Variants in PTPRT observed in about 807,000 individuals in gnomAD.
The protein encoded by PTPRT is receptor-type tyrosine-protein phosphatase T.
In PTPRT, 56 loss-of-function variants were observed where a neutral mutation model predicts 176.8. The ratio of observed to expected loss-of-function variants is 0.32; its 90% CI spans 0.26 to 0.40. The LOEUF (loss-of-function observed/expected upper bound fraction) is 0.40, where lower values mean the gene tolerates loss of function less well. Ranked by LOEUF, PTPRT falls within the 10% of genes least tolerant of loss-of-function variation. The probability of loss-of-function intolerance (pLI) is 1.00; values close to 1 mark genes in which losing one functional copy is unlikely to be tolerated. For synonymous variants in PTPRT, 783 were observed against 739.0 expected (o/e 1.06, Z -0.96); for missense variants, 1,540 against 1,908.2 (o/e 0.81, Z 3.60).
intron 2 of PTPRT, among the ~76,000 whole-genome samples, chr20:42,836,871 G>T (rs1431006096): frequency 6.6e-6 from 1 of 152,170 alleles, no homozygotes; most frequent in African/African-American, 2.4e-5. Flanking sequence ...TTAATCCTCA[G>T]AAATTAACTA....
chr20:43,041,138 C>G (rs3091581), intron 1 of PTPRT, among the ~76,000 whole-genome samples: 48,197 of 152,040 alleles, frequency 0.32, 10,572 homozygotes, highest in African/African-American at 0.62. Context: ...AATCACTTAC[C>G]AGTGAAGAAA....
chr20:42,314,465 C>T (rs2057684866), intron 12 of PTPRT, among the ~76,000 whole-genome samples: 1 of 147,344 alleles, frequency 6.8e-6, no homozygotes, highest in Non-Finnish European at 1.5e-5. Flanking sequence ...GGAGGTGGAG[C>T]TTGCAGTGAG....
At chr20:42,605,181 G>C (rs189087710) in intron 7 of PTPRT, among the ~76,000 whole-genome samples, 8 of 152,164 alleles carry the variant, frequency 5.3e-5, no homozygotes, top group Non-Finnish European at 4.4e-5. Flanking sequence ...GACCTGCCCC[G>C]GAGCAGGTGA....
At chr20:42,648,231 T>C (rs1373892839) in intron 7 of PTPRT, among the ~76,000 whole-genome samples, 2 of 152,042 alleles carry the variant, frequency 1.3e-5, no homozygotes, top group African/African-American at 4.8e-5. Flanking sequence ...AACAGACTCC[T>C]CCATCACTTC....
intron 1 of PTPRT, among the ~76,000 whole-genome samples, chr20:42,998,579 T>C (rs1213919734): frequency 6.6e-6 from 1 of 152,220 alleles, no homozygotes; most frequent in Admixed American, 6.5e-5. Context: ...TTACCTGCAC[T>C]AGCCTTTGAA....
intron 7 of PTPRT, among the ~76,000 whole-genome samples, chr20:42,533,159 C>T (rs1458563863): frequency 6.6e-6 from 1 of 152,194 alleles, no homozygotes; most frequent in Non-Finnish European, 1.5e-5. Flanking sequence ...GCTTAGTAAA[C>T]AGCGGGCAGC....
At chr20:42,560,320 C>T (rs1360121498) in intron 7 of PTPRT, among the ~76,000 whole-genome samples, 1 of 152,200 alleles carries the variant, frequency 6.6e-6, no homozygotes, top group Non-Finnish European at 1.5e-5. Flanking sequence ...CCCTGCTTTT[C>T]CATGGTTTGT....
chr20:42,870,233 C>T (rs977147281), intron 2 of PTPRT, among the ~76,000 whole-genome samples: 1 of 152,168 alleles, frequency 6.6e-6, no homozygotes, highest in Non-Finnish European at 1.5e-5. Context: ...GCTCTAGATA[C>T]ATCACATAAG....
At chr20:42,912,597 T>C (rs1978471733) in intron 1 of PTPRT, among the ~76,000 whole-genome samples, 1 of 152,206 alleles carries the variant, frequency 6.6e-6, no homozygotes, top group Non-Finnish European at 1.5e-5. Context: ...TATCAGATAC[T>C]TGCGTATCAT....
At chr20:42,603,221 A>G (rs1232030853) in intron 7 of PTPRT, among the ~76,000 whole-genome samples, 2 of 152,132 alleles carry the variant, frequency 1.3e-5, no homozygotes, top group Non-Finnish European at 2.9e-5. Context: ...AGGAGATACG[A>G]GTGATGTAGT....
intron 6 of PTPRT, among the ~76,000 whole-genome samples, chr20:42,699,505 T>C (rs749328754): frequency 2.6e-5 from 4 of 152,146 alleles, no homozygotes; most frequent in African/African-American, 4.8e-5. Context: ...CCTTCTATCA[T>C]AGTAATATGC....
chr20:43,018,529 G>A lies in PTPRT; in HGVS notation c.89-132597C>T, dbSNP rs370740688. 1.8e-3 allele frequency among the ~76,000 whole-genome samples: 274 copies of A among 152,234 alleles called. 1 individual carries two copies. Among genetic ancestry groups the A allele is most frequent in the African/African-American group, 6.2e-3 (259 of 41,544 alleles). On this transcript the variant is annotated intron_variant, in intron 1 of 30. Transcript: ENST00000373187. Reference sequence around the variant, plus strand: ...GCATTTTTTAAAATTGAGAGTTTTCGAATTGCAAAAGACATCGTAAACAAG... The same window carrying A: ...GCATTTTTTAAAATTGAGAGTTTTCAAATTGCAAAAGACATCGTAAACAAG...
At chr20:42,840,278 A>G (rs1188256564) in intron 2 of PTPRT, among the ~76,000 whole-genome samples, 2 of 152,200 alleles carry the variant, frequency 1.3e-5, no homozygotes, top group East Asian at 3.8e-4. Context: ...TTGCAAAGAT[A>G]CTGATTGGGG....
intron 1 of PTPRT, among the ~76,000 whole-genome samples, chr20:43,153,374 A>AT: frequency 6.6e-6 from 1 of 152,326 alleles, no homozygotes; most frequent in East Asian, 1.9e-4. Flanking sequence ...GGAGGTAGAA[A>AT]TTTTTACTTA....
chr20:42,994,089 C>T (rs1406865131), intron 1 of PTPRT, among the ~76,000 whole-genome samples: 1 of 152,128 alleles, frequency 6.6e-6, no homozygotes, highest in East Asian at 1.9e-4. Context: ...TGTGTGGCAC[C>T]GGTATGTATT....
chr20:42,127,894 T>C (rs1176025828), intron 19 of PTPRT, among the ~76,000 whole-genome samples: 1 of 152,222 alleles, frequency 6.6e-6, no homozygotes, highest in Non-Finnish European at 1.5e-5. Context: ...CTCGGATCTG[T>C]CTTATCTTTG....
chr20:42,126,023 A>AG (rs1987836177), intron 19 of PTPRT, among the ~76,000 whole-genome samples: 2 of 13,760 alleles, frequency 1.5e-4, no homozygotes, highest in African/African-American at 5.0e-4. Context: ...GGTGTCTGGG[A>AG]GTGGGGGGGG....
At chr20:43,147,088 T>C (rs2014191787) in intron 1 of PTPRT, among the ~76,000 whole-genome samples, 1 of 152,168 alleles carries the variant, frequency 6.6e-6, no homozygotes, top group African/African-American at 2.4e-5. Flanking sequence ...CAGCCAAGCA[T>C]GTTCTACCTC....
intron 7 of PTPRT, among the ~76,000 whole-genome samples, chr20:42,612,863 AGT>A (rs1331226911): frequency 6.6e-6 from 1 of 152,062 alleles, no homozygotes; most frequent in African/African-American, 2.4e-5. Context: ...CCATGGAAAG[AGT>A]GTTTCTGTGG....
Sources: gnomAD v4.1 joint callset for allele counts (sites outside exome capture counted in the v4.1 genomes callset) on GRCh38, gnomAD v4.1.1 for gene constraint, MANE v1.5 for transcripts, NCBI Gene and HGNC (gene_info 2026-07-23, HGNC 2026-07-21) for gene names.